Variants in AATK observed in about 807,000 individuals in gnomAD.
AATK encodes the protein lemur tail kinase 1.
A neutral mutation model predicts 114.3 loss-of-function variants in AATK; 91 were observed. The ratio of observed to expected loss-of-function variants is 0.80; its 90% CI spans 0.67 to 0.95. The LOEUF (loss-of-function observed/expected upper bound fraction) is 0.95, where lower values mean the gene tolerates loss of function less well. Among genes scored for constraint, AATK ranks in the 40% least tolerant of loss-of-function variants. The pLI is 0.00. For synonymous variants in AATK, 1,075 were observed against 916.5 expected, an observed-to-expected ratio of 1.17 and a Z score of -3.12; for missense variants, 2,176 against 1,965.2, an observed-to-expected ratio of 1.11 and a Z score of -2.03.
chr17:81,155,309 T>C (rs2061347147), intron 1 of AATK, among the ~76,000 whole-genome samples: 1 of 152,192 alleles, frequency 6.6e-6, no homozygotes, highest in Non-Finnish European at 1.5e-5. Flanking sequence ...CGCAGTGATG[T>C]GGCCAGGTGC....
intron 1 of AATK, among the ~76,000 whole-genome samples, chr17:81,139,853 G>A (rs772184075): frequency 2.6e-5 from 4 of 152,172 alleles, no homozygotes; most frequent in East Asian, 1.9e-4. Context: ...ATGCACACAC[G>A]TGTCCAGGCT....
chr17:81,120,671 C>G lies in AATK; in HGVS notation c.3265G>C (p.Val1089Leu), dbSNP rs769196106. The G allele has an allele frequency of 6.6e-7, 1 of 1,518,146 alleles. No individual in the cohort carries two copies. The highest frequency in any genetic ancestry group is 1.4e-5 in the African/African-American group (1 of 72,046). 94.0% of individuals were successfully genotyped at this position (1,518,146 alleles called of 1,614,324 possible). A position where few individuals can be genotyped will look rare whatever the true frequency, so the allele number is the denominator to read the frequency against. Reference sequence around the variant, plus strand: ...CAGCTGGGGCTGGGCCCAGGCCGCACCTTGGCTGGGCCTTGGGGCTCCGGA... The same window carrying G: ...CAGCTGGGGCTGGGCCCAGGCCGCAGCTTGGCTGGGCCTTGGGGCTCCGGA... ...EPPEPQGPAKVRPGPSPSCSQ... is the reference protein window; with the variant it reads ...EPPEPQGPAKLRPGPSPSCSQ... Residue 1089 changes from valine to leucine, a missense_variant, in exon 11 of 14, where the codon GTG becomes CTG. Around this residue, in one of 4 missense-constraint regions of AATK, gnomAD observed 1,701 missense variants for 1,394.7 expected, o/e 1.22. Transcript: ENST00000326724.
intron 1 of AATK, among the ~76,000 whole-genome samples, chr17:81,137,566 T>A (rs1470928129): frequency 2.6e-5 from 4 of 152,136 alleles, no homozygotes; most frequent in African/African-American, 7.2e-5. Context: ...CCGCTGGCTG[T>A]CAGCTTGTAA....
At chr17:81,165,798 G>A in intron 1 of AATK, 140 bp downstream of exon 1, 1 of 1,502,600 alleles carries the variant, frequency 6.7e-7, no homozygotes, top group Non-Finnish European at 8.9e-7. Context: ...GGCCGCCAGG[G>A]GGTCCGGCTG....
Position 81,120,933 on chromosome 17 carries a change from G to A in AATK, c.3003C>T (p.Leu1001=), listed in dbSNP as rs754315145. The change falls in exon 11 of 14, where the codon CTC becomes CTT. Residue 1001 remains leucine, a synonymous_variant. Transcript: ENST00000326724. ...PYRDSAYFSD[L]EAEAEATSGP... is the part of the protein sequence containing the mutation. Reference sequence around the variant, plus strand: ...CTGAGGTGGCCTCGGCCTCAGCCTCGAGGTCTGAGAAGTAGGCAGAGTCTC... The same window carrying A: ...CTGAGGTGGCCTCGGCCTCAGCCTCAAGGTCTGAGAAGTAGGCAGAGTCTC... The A allele has an allele frequency of 1.5e-5, 24 of 1,604,214 alleles. No homozygotes were observed. Among genetic ancestry groups the A allele is most frequent in the East Asian group, 4.5e-5 (2 of 44,490 alleles).
Position 81,122,616 on chromosome 17 carries a change from C to G in AATK, c.1320G>C (p.Glu440Asp). Residue 440 changes from glutamate to aspartate, a missense_variant, in exon 11 of 14, where the codon GAG becomes GAC. This residue lies in a region of AATK where 1,701 missense variants were observed against 1,394.7 expected (regional missense o/e 1.22). Transcript: ENST00000326724. ...AAGPMLGGVV[E>D]LAAASSFPLL... ...GCGGGAAGGACGAGGCAGCGGCGAG[C>G]TCCACCACGCCGCCCAGCATGGGCC... The G allele has an allele frequency of 7.1e-7, 1 of 1,417,692 alleles. No individual in the cohort carries two copies. The highest frequency in any genetic ancestry group is 9.3e-7 in the Non-Finnish European group (1 of 1,075,392). The allele number at this position is 1,417,692 out of a possible 1,614,324, so 87.8% of individuals were successfully genotyped here.
At position 81,119,526 on chromosome 17, in the gene AATK, A is replaced by G. The variant is rs1029542084; in HGVS notation, c.3938T>C (p.Phe1313Ser). 5.7e-6 allele frequency: 9 copies of G among 1,573,284 alleles called. No individual in the cohort carries two copies. In the African/African-American group the frequency reaches 1.3e-4, roughly 22 times the overall value. The change falls in exon 13 of 14, where the codon TTC becomes TCC. Residue 1313 changes from phenylalanine (F) to serine (S), a missense_variant. Around this residue, in one of 4 missense-constraint regions of AATK, gnomAD observed 1,701 missense variants for 1,394.7 expected, o/e 1.22. Transcript: ENST00000326724. ...DFPLMTAKAAFAMALDPAAPA... is the reference protein window; with the variant it reads ...DFPLMTAKAASAMALDPAAPA... Reference sequence around the variant, plus strand: ...TGCGGCCGGGTCTAGGGCCATGGCGAAGGCTGCCTTGGCCGTCATCAGCGG... The same window carrying G: ...TGCGGCCGGGTCTAGGGCCATGGCGGAGGCTGCCTTGGCCGTCATCAGCGG...
In AATK at chr17:81,118,414, ACT is replaced by A. The variant is rs1388377792; in HGVS notation, c.4111_4112del (p.Ser1371Ter). ...AGCTGCCCAGGTCTCAAGCCTCTTT[ACT>A]CTCACCCCCGGCACCAGCTTCAGGT... ...RGPEAGAGGE[S>X]KEA On this transcript the variant is annotated frameshift_variant, in exon 14 of 14. Coordinates refer to ENST00000326724, the MANE Select transcript of AATK (RefSeq NM_001080395.3). LOFTEE classifies it high-confidence loss of function. The A allele has an allele frequency of 3.1e-6, 5 of 1,608,120 alleles. No homozygotes were observed. Among genetic ancestry groups the A allele is most frequent in the South Asian group, 1.1e-5 (1 of 89,940 alleles).
chr17:81,121,406 G>T lies in AATK; in HGVS notation c.2530C>A (p.Leu844Met), dbSNP rs540501840. Residue 844 changes from leucine (L) to methionine (M), a missense_variant, in exon 11 of 14, where the codon CTG (leucine) becomes ATG (methionine). This residue lies in a region of AATK where 1,701 missense variants were observed against 1,394.7 expected (regional missense o/e 1.22). Transcript: ENST00000326724. ...EVSAIKLASA[L>M]NGSSSSPEVE... ...TCGGGAGAGCTGCTGCTGCCATTCA[G>T]GGCAGAAGCCAGCTTGATGGCAGAC... 1.1e-5 allele frequency: 17 copies of T among 1,608,240 alleles called. No individual in the cohort carries two copies. The highest frequency in any genetic ancestry group is 1.4e-5 in the Non-Finnish European group (16 of 1,178,118).
intron 5 of AATK, 24 bp downstream of exon 5, chr17:81,127,768 C>A: frequency 6.7e-7 from 1 of 1,500,682 alleles, no homozygotes. Flanking sequence ...ACAGCACAGG[C>A]CTTTGTGCCC....
intron 1 of AATK, among the ~76,000 whole-genome samples, chr17:81,158,502 A>C (rs1245829033): frequency 2.0e-5 from 3 of 152,356 alleles, no homozygotes; most frequent in Admixed American, 2.0e-4. Context: ...GCTGGTGCTC[A>C]GCCCTGCACA....
chr17:81,159,294 G>A (rs2061402607), intron 1 of AATK, among the ~76,000 whole-genome samples: 1 of 152,204 alleles, frequency 6.6e-6, no homozygotes, highest in South Asian at 2.1e-4. Flanking sequence ...TTCACAGAGA[G>A]CGAGCGAGAT....
At chr17:81,141,092 G>A (rs1166977980) in intron 1 of AATK, among the ~76,000 whole-genome samples, 1 of 151,958 alleles carries the variant, frequency 6.6e-6, no homozygotes, top group South Asian at 2.1e-4. Context: ...GATGCAAGGG[G>A]CTGGAAAGGC....
Position 81,120,252 on chromosome 17 carries a change from C to CT in AATK, c.3683dup (p.Lys1229GlufsTer16). On this transcript the variant is annotated frameshift_variant, in exon 11 of 14. Coordinates refer to ENST00000326724, the MANE Select transcript of AATK (RefSeq NM_001080395.3). LOFTEE classifies it high-confidence loss of function. ...CGTCGAAGAAGGACACGGCCTTCTT[C>CT]TTGCGTTCCAGGTCCTCGCAGAAGG... 1 of 1,597,200 alleles carries CT rather than the reference C, an allele frequency of 6.3e-7. No individual in the cohort carries two copies. The highest frequency in any genetic ancestry group is 1.7e-5 in the Admixed American group (1 of 59,542).
rs1057021199 is a variant in AATK at position 81,117,987 on chromosome 17, G to A, written c.*415C>T. On this transcript the variant is annotated 3_prime_UTR_variant, in exon 14 of 14. Transcript: ENST00000326724. ...TGCCAGTGTCTCGGGGCCATGCCTC[G>A]TCCTGGTTTAAGTGTCCTGTGAGCA... is the stretch of plus-strand genomic sequence containing the variant. 21 of 167,356 alleles carry A rather than the reference G, an allele frequency of 1.3e-4. No individual in the cohort carries two copies. In the East Asian group the frequency reaches 2.7e-3, roughly 21 times the overall value. The allele number at this position is 167,356 out of a possible 1,614,324, so 10.4% of individuals were successfully genotyped here.
At chr17:81,123,703 A>G (rs1187429407) in intron 9 of AATK, among the ~76,000 whole-genome samples, 1 of 106,066 alleles carries the variant, frequency 9.4e-6, no homozygotes, top group Non-Finnish European at 1.8e-5. Context: ...AAAGCGGAGT[A>G]GGGCCCGCAC....
chr17:81,138,408 T>TCCACACACACGCAGACACCCACAC (rs2061058379), intron 1 of AATK, among the ~76,000 whole-genome samples: 1 of 123,492 alleles, frequency 8.1e-6, no homozygotes, highest in Non-Finnish European at 1.7e-5. Flanking sequence ...CCCCCACACG[T>TCCACACACACGCAGACACCCACAC]GCGTGCACAT....
chr17:81,152,522 T>A (rs2061311761), intron 1 of AATK, among the ~76,000 whole-genome samples: 1 of 152,170 alleles, frequency 6.6e-6, no homozygotes, highest in East Asian at 1.9e-4. Flanking sequence ...AGGTCAAGGC[T>A]GCAGTGAGCC....
intron 1 of AATK, among the ~76,000 whole-genome samples, chr17:81,143,431 C>T (rs191149225): frequency 6.6e-6 from 1 of 151,976 alleles, no homozygotes; most frequent in Admixed American, 6.5e-5. Flanking sequence ...CCCCTCAACC[C>T]CATCCAGCTC....
Sources: allele counts gnomAD v4.1 joint callset (sites outside exome capture counted in the v4.1 genomes callset), GRCh38; gene constraint gnomAD v4.1.1; regional missense constraint gnomAD v4.1.1; transcripts MANE v1.5; gene names NCBI Gene and HGNC (gene_info 2026-07-23, HGNC 2026-07-21).